SLC23A2: variants seen among roughly 807,000 people sequenced by gnomAD.
SLC23A2 encodes the protein Na(+)/L-ascorbic acid transporter 2.
In SLC23A2, 36 loss-of-function variants were observed where a neutral mutation model predicts 73.3. That is an observed-to-expected ratio of 0.49 (90% CI 0.38 to 0.65). SLC23A2 has a LOEUF of 0.65. Among genes scored for constraint, SLC23A2 ranks in the 30% least tolerant of loss-of-function variants. SLC23A2 has a pLI of 0.00. For missense variants in SLC23A2, 507 were observed against 841.6 expected (o/e 0.60, Z 4.92); for synonymous variants, 343 against 327.3 (o/e 1.05, Z -0.52).
At chr20:4,869,839 T>C (rs756344219) in intron 12 of SLC23A2, 67 bp downstream of exon 12, 13 of 1,453,448 alleles carry the variant, frequency 8.9e-6, no homozygotes, top group Non-Finnish European at 1.2e-5. Context: ...TTCAAGGTAA[T>C]GTAAACCTAA....
At chr20:4,968,212 G>A (rs1265700339) in intron 2 of SLC23A2, among the ~76,000 whole-genome samples, 1 of 152,148 alleles carries the variant, frequency 6.6e-6, no homozygotes, top group Non-Finnish European at 1.5e-5. Flanking sequence ...TGTCAGGAAT[G>A]ACTTTTAGGA....
In SLC23A2 at chr20:4,857,584, T is replaced by A. The variant is rs1250781086; in HGVS notation, c.1721-380A>T. The stretch of plus-strand genomic sequence containing the variant: ...CCTGGTTCATTCTATCGGTCTCCCA[T>A]CTGGTTACCTAGTCTTCTGGCTCAT... On this transcript the variant is annotated intron_variant, in intron 16 of 16. Coordinates refer to ENST00000338244, the MANE Select transcript of SLC23A2 (RefSeq NM_005116.6). This position sits in a 1 kb window ranked among gnomAD's most constrained non-coding sequence, Gnocchi z 4.0. Among the ~76,000 whole-genome samples, 1 of 152,154 alleles carries A rather than the reference T, an allele frequency of 6.6e-6. No homozygotes were observed. Among genetic ancestry groups the A allele is most frequent in the African/African-American group, 2.4e-5 (1 of 41,434 alleles).
intron 3 of SLC23A2, among the ~76,000 whole-genome samples, chr20:4,919,905 A>G (rs1235077208): frequency 2.0e-5 from 3 of 152,232 alleles, no homozygotes; most frequent in Non-Finnish European, 4.4e-5. Flanking sequence ...CTAAGGAAAT[A>G]AACATGCTTC....
At position 4,963,972 on chromosome 20, in the gene SLC23A2, G is replaced by A. The variant is rs1010699536; in HGVS notation, c.-155+6821C>T. Among the ~76,000 whole-genome samples, 3 of 151,854 alleles carry A rather than the reference G, an allele frequency of 2.0e-5. No homozygotes were observed. The South Asian group carries it at 6.2e-4, about 32-fold the overall frequency. On this transcript the variant is annotated intron_variant, in intron 2 of 16. Coordinates refer to ENST00000338244, the MANE Select transcript of SLC23A2 (RefSeq NM_005116.6). ...CATCCCGTTAACATGCAAGCACTTTGGATATACTGCTAGTGGGAGTAATAA... is the reference window on the plus strand; with the variant it reads ...CATCCCGTTAACATGCAAGCACTTTAGATATACTGCTAGTGGGAGTAATAA...
intron 2 of SLC23A2, among the ~76,000 whole-genome samples, chr20:4,945,454 G>A (rs985657091): frequency 1.3e-5 from 2 of 152,044 alleles, no homozygotes; most frequent in African/African-American, 4.8e-5. Context: ...CCCAGCAAAT[G>A]TTTGTATTTT....
chr20:4,895,944 G>C (rs891670367), intron 6 of SLC23A2, among the ~76,000 whole-genome samples: 6 of 152,168 alleles, frequency 3.9e-5, no homozygotes, highest in African/African-American at 1.4e-4. Context: ...GGGGATTTCT[G>C]CTCTTCCCTC....
chr20:4,991,132 G>A (rs773691094), intron 1 of SLC23A2, among the ~76,000 whole-genome samples: 11 of 152,022 alleles, frequency 7.2e-5, no homozygotes, highest in Non-Finnish European at 1.2e-4. Context: ...TTTGAGCAGG[G>A]TGTCTCCCTC....
At chr20:4,988,840 G>A (rs2087875482) in intron 1 of SLC23A2, among the ~76,000 whole-genome samples, 1 of 152,046 alleles carries the variant, frequency 6.6e-6, no homozygotes, top group Non-Finnish European at 1.5e-5. Flanking sequence ...TGAACCTGGA[G>A]GTGGAAGTTG....
At chr20:4,949,287 CAAAA>C (rs570455717) in intron 2 of SLC23A2, among the ~76,000 whole-genome samples, 4 of 57,938 alleles carry the variant, frequency 6.9e-5, no homozygotes, top group African/African-American at 1.3e-4. Flanking sequence ...GACTCCATCT[CAAAA>C]AAAAAAAAAA....
chr20:4,964,289 C>G (rs1311794687), intron 2 of SLC23A2, among the ~76,000 whole-genome samples: 1 of 152,026 alleles, frequency 6.6e-6, no homozygotes, highest in Non-Finnish European at 1.5e-5. Context: ...ACCACTGCAC[C>G]CAGACATAAC....
chr20:4,861,845 G>A lies in SLC23A2; in HGVS notation c.1624+103C>T, dbSNP rs1929977731. 3 of 1,184,760 alleles carry A rather than the reference G, an allele frequency of 2.5e-6. No individual in the cohort carries two copies. In the South Asian group the frequency reaches 4.3e-5, roughly 17 times the overall value. The allele number at this position is 1,184,760 out of a possible 1,614,324, so 73.4% of individuals were successfully genotyped here. A position where few individuals can be genotyped will look rare whatever the true frequency, so the allele number is the denominator to read the frequency against. ...GATCCACAGACGCATCTGCACCACA[G>A]CTCCTGGAGGCCCAAAGTCCTCTCC... On this transcript the variant is annotated intron_variant, in intron 15 of 16. Transcript: ENST00000338244.
chr20:4,919,589 G>A (rs1932437124), intron 3 of SLC23A2, among the ~76,000 whole-genome samples: 1 of 152,220 alleles, frequency 6.6e-6, no homozygotes, highest in African/African-American at 2.4e-5. Flanking sequence ...GGCAGGTGGT[G>A]CTGGTGACTG....
At chr20:4,940,075 T>C (rs559039294) in intron 2 of SLC23A2, among the ~76,000 whole-genome samples, 1 of 152,022 alleles carries the variant, frequency 6.6e-6, no homozygotes, top group Non-Finnish European at 1.5e-5. Flanking sequence ...CCAACAGTTT[T>C]GGGAGGTGGA....
chr20:4,998,279 C>T lies in SLC23A2; in HGVS notation c.-282+3127G>A, dbSNP rs2088057120. On this transcript the variant is annotated intron_variant, in intron 1 of 16. Transcript: ENST00000338244. This position sits in a 1 kb window ranked among gnomAD's most constrained non-coding sequence, Gnocchi z 4.1. ...GGGCTCCATGTGGGCTGGGAATCTC[C>T]CTGCAGCATCCCAAGCACCAAGAAT... Among the ~76,000 whole-genome samples, 1 of 152,104 alleles carries T rather than the reference C, an allele frequency of 6.6e-6. No homozygotes were observed. Among genetic ancestry groups the T allele is most frequent in the African/African-American group, 2.4e-5 (1 of 41,408 alleles).
chr20:4,898,234 G>A (rs539540679), intron 6 of SLC23A2, among the ~76,000 whole-genome samples: 10 of 152,326 alleles, frequency 6.6e-5, no homozygotes, highest in Non-Finnish European at 1.3e-4. Flanking sequence ...GCAAGGGCTG[G>A]GATCTGGGAA....
chr20:4,921,292 T>C, intron 3 of SLC23A2, among the ~76,000 whole-genome samples: 1 of 152,186 alleles, frequency 6.6e-6, no homozygotes, highest in East Asian at 1.9e-4. Context: ...CTTAAATCTC[T>C]GGAAAGAAAT....
intron 4 of SLC23A2, among the ~76,000 whole-genome samples, chr20:4,903,222 C>T (rs998822151): frequency 5.3e-5 from 8 of 152,044 alleles, no homozygotes; most frequent in African/African-American, 1.4e-4. Flanking sequence ...TATTTTAAAA[C>T]ATTAAGTGTG....
intron 2 of SLC23A2, among the ~76,000 whole-genome samples, chr20:4,944,332 C>T (rs1323440273): frequency 3.3e-5 from 5 of 152,084 alleles, no homozygotes; most frequent in Admixed American, 6.6e-5. Flanking sequence ...CTCCACCTCC[C>T]GGGTTCAAAC....
chr20:4,861,644 A>G (rs1929969160), intron 15 of SLC23A2, among the ~76,000 whole-genome samples: 1 of 152,210 alleles, frequency 6.6e-6, no homozygotes, highest in Non-Finnish European at 1.5e-5. Flanking sequence ...ATCTTAATGG[A>G]GCATTAGTCT....
Sources: allele counts gnomAD v4.1 joint callset (sites outside exome capture counted in the v4.1 genomes callset), GRCh38; gene constraint gnomAD v4.1.1; non-coding constraint Gnocchi (gnomAD v3.1); transcripts MANE v1.5; gene names NCBI Gene and HGNC (gene_info 2026-07-23, HGNC 2026-07-21).